Variants in PPIG observed in about 807,000 individuals in gnomAD.
The protein encoded by PPIG is peptidyl-prolyl cis-trans isomerase G.
Under a neutral mutation model 87.9 loss-of-function variants are expected in PPIG, and 26 were observed. The ratio of observed to expected loss-of-function variants is 0.30; its 90% confidence interval spans 0.22 to 0.41. The LOEUF is 0.41. Ranked by LOEUF, PPIG falls within the 10% of genes least tolerant of loss-of-function variation. The pLI is 1.00. For missense variants in PPIG, 722 were observed against 879.4 expected (o/e 0.82, Z 2.26); for synonymous variants, 308 against 276.5 (o/e 1.11, Z -1.13).
rs552708104 is a variant in PPIG at position 169,636,932 on chromosome 2, T to C, written c.1674T>C (p.Tyr558=). ...ATATAACTAAAGGTAAACACAGTTATAATAGCAGAACAAGAGAACGAAGCA... is the reference window on the plus strand; with the variant it reads ...ATATAACTAAAGGTAAACACAGTTACAATAGCAGAACAAGAGAACGAAGCA... ...ECDITKGKHS[Y]NSRTRERSRS... The change falls in exon 14 of 14, where the codon TAT becomes TAC. Residue 558 remains tyrosine (Y), a synonymous_variant. Coordinates refer to ENST00000260970, the MANE Select transcript of PPIG (RefSeq NM_004792.3). 8.1e-6 allele frequency: 13 copies of C among 1,613,822 alleles called. No individual in the cohort carries two copies. In the South Asian group the frequency reaches 9.9e-5, roughly 12 times the overall value.
At chr2:169,596,683 A>G (rs1053759056) in intron 1 of PPIG, among the ~76,000 whole-genome samples, 1 of 152,042 alleles carries the variant, frequency 6.6e-6, no homozygotes, top group African/African-American at 2.4e-5. Context: ...CCACGCAACC[A>G]GCACTAATAT....
chr2:169,636,384 T>C, intron 13 of PPIG, 29 bp from the exon 14 acceptor site: 1 of 1,493,318 alleles, frequency 6.7e-7, no homozygotes, highest in Non-Finnish European at 9.0e-7. Context: ...CCTAATAACA[T>C]TTCCCCAATT....
intron 1 of PPIG, among the ~76,000 whole-genome samples, chr2:169,594,294 T>C (rs901109402): frequency 6.7e-6 from 1 of 150,216 alleles, no homozygotes; most frequent in Non-Finnish European, 1.5e-5. Context: ...TTGAGAGTTA[T>C]TCTTTTAAAA....
rs1044252455 is a variant in PPIG at position 169,636,284 on chromosome 2, T to C, written c.1154+56T>C. 16 of 1,524,156 alleles carry C rather than the reference T, an allele frequency of 1.0e-5. No homozygotes were observed. The African/African-American group carries it at 2.1e-4, about 20-fold the overall frequency. The allele number at this position is 1,524,156 out of a possible 1,614,324, so 94.4% of individuals were successfully genotyped here. A position where few individuals can be genotyped will look rare whatever the true frequency, so the allele number is the denominator to read the frequency against. On this transcript the variant is annotated intron_variant, in intron 13 of 13. Transcript: ENST00000260970. Reference sequence around the variant, plus strand: ...AATGATAAGTGTTTGCTTTTACTATTATACATAAAGTTATTGTCATTTTAG... The same window carrying C: ...AATGATAAGTGTTTGCTTTTACTATCATACATAAAGTTATTGTCATTTTAG...
At chr2:169,609,975 A>G (rs1685441132) in intron 7 of PPIG, among the ~76,000 whole-genome samples, 1 of 152,240 alleles carries the variant, frequency 6.6e-6, no homozygotes, top group South Asian at 2.1e-4. Flanking sequence ...ATTTATTTGT[A>G]ACCTCCAAAT....
chr2:169,608,804 C>G, intron 7 of PPIG, 46 bp downstream of exon 7: 2 of 1,395,976 alleles, frequency 1.4e-6, no homozygotes, highest in Non-Finnish European at 2.0e-6. Flanking sequence ...ATTTTTGGGC[C>G]GGGCACGGTG....
chr2:169,613,667 A>G (rs2105499263), intron 7 of PPIG, among the ~76,000 whole-genome samples: 1 of 152,272 alleles, frequency 6.6e-6, no homozygotes, highest in South Asian at 2.1e-4. Flanking sequence ...AATGACTCAT[A>G]CTTGTAATCC....
At chr2:169,599,808 C>T (rs190512808) in intron 1 of PPIG, among the ~76,000 whole-genome samples, 101 of 152,236 alleles carry the variant, frequency 6.6e-4, no homozygotes, top group African/African-American at 2.0e-3. Context: ...AATGAATTGC[C>T]CTAGTGCCCC....
At chr2:169,631,329 G>A (rs3769770) in intron 10 of PPIG, 41,229 of 285,150 alleles carry the variant, frequency 0.14, 3,229 homozygotes, top group South Asian at 0.24. Context: ...TTGCTCTTAC[G>A]ATAGCATAAG....
In PPIG at chr2:169,636,432, A is replaced by C. The variant is rs762027135; in HGVS notation, c.1174A>C (p.Lys392Gln). The change falls in exon 14 of 14, where the codon AAA (lysine) becomes CAA (glutamine). Residue 392 changes from lysine to glutamine, a missense_variant. By Grantham distance (53) the Lys-to-Gln change is moderately conservative. Coordinates refer to ENST00000260970, the MANE Select transcript of PPIG (RefSeq NM_004792.3). Reference sequence around the variant, plus strand: ...TTTTAGGAGTGAGTTGAATGAAATAAAAGAAAATCAGAGAAGTCCAGTTAG... The same window carrying C: ...TTTTAGGAGTGAGTTGAATGAAATACAAGAAAATCAGAGAAGTCCAGTTAG... ...KGDKSELNEI[K>Q]ENQRSPVRVK... is the part of the protein sequence containing the mutation. The C allele has an allele frequency of 6.5e-7, 1 of 1,542,442 alleles. No individual in the cohort carries two copies. Among genetic ancestry groups the C allele is most frequent in the Non-Finnish European group, 8.7e-7 (1 of 1,147,180 alleles).
At chr2:169,633,336 G>A in intron 12 of PPIG, 89 bp downstream of exon 12, 1 of 1,056,088 alleles carries the variant, frequency 9.5e-7, no homozygotes. Context: ...TTATTTTAAT[G>A]TGCAAGTAAC....
chr2:169,598,093 TG>T (rs1394750930), intron 1 of PPIG, among the ~76,000 whole-genome samples: 1 of 151,108 alleles, frequency 6.6e-6, no homozygotes, highest in Non-Finnish European at 1.5e-5. Flanking sequence ...CTCCGCATCC[TG>T]GGCCCAAATG....
In PPIG at chr2:169,607,171, TATG is replaced by T. The variant is rs367627446; in HGVS notation, c.289+24_289+26del. 40 of 1,379,678 alleles carry T rather than the reference TATG, an allele frequency of 2.9e-5. No individual in the cohort carries two copies. In the African/African-American group the frequency reaches 5.6e-4, roughly 19 times the overall value. The allele number at this position is 1,379,678 out of a possible 1,614,324, so 85.5% of individuals were successfully genotyped here. A position where few individuals can be genotyped will look rare whatever the true frequency, so the allele number is the denominator to read the frequency against. The stretch of plus-strand genomic sequence containing the variant: ...AAGGTAAAAATGTTTACATTTATAT[TATG>T]TTTTAAATATTTTGTCTTTTATTCT... On this transcript the variant is annotated intron_variant, in intron 6 of 13. Coordinates refer to ENST00000260970, the MANE Select transcript of PPIG (RefSeq NM_004792.3).
intron 4 of PPIG, 66 bp downstream of exon 4, chr2:169,604,327 GTTTTTTTTTT>G (rs71006008): frequency 6.0e-5 from 21 of 347,424 alleles, no homozygotes; most frequent in African/African-American, 3.9e-4. Context: ...TGCTTGCTTG[GTTTTTTTTTT>G]TTTTTTTTTT....
At position 169,622,942 on chromosome 2, in the gene PPIG, T is replaced by A. The variant is rs192487182; in HGVS notation, c.548-7832T>A. On this transcript the variant is annotated intron_variant, in intron 9 of 13. Coordinates refer to ENST00000260970, the MANE Select transcript of PPIG (RefSeq NM_004792.3). ...ATGAGAGATTTACACCTGTTTTTTT[T>A]AACTTCCTGAAAGAAAACAAAAAGA... Among the ~76,000 whole-genome samples the A allele has an allele frequency of 5.6e-3, 858 of 152,344 alleles. 6 individuals are homozygous for A. The highest frequency in any genetic ancestry group is 9.2e-3 in the Non-Finnish European group (624 of 68,034).
intron 9 of PPIG, among the ~76,000 whole-genome samples, chr2:169,616,589 T>C (rs1260690545): frequency 6.6e-6 from 1 of 152,260 alleles, no homozygotes; most frequent in African/African-American, 2.4e-5. Context: ...TTTTCTCTAA[T>C]GACCAGTGAT....
chr2:169,611,277 A>G (rs897057084), intron 7 of PPIG, among the ~76,000 whole-genome samples: 4 of 152,212 alleles, frequency 2.6e-5, no homozygotes, highest in African/African-American at 4.8e-5. Context: ...GATAAGACAC[A>G]CACACAAAAA....
chr2:169,598,949 C>G (rs1266601924), intron 1 of PPIG, among the ~76,000 whole-genome samples: 2 of 149,510 alleles, frequency 1.3e-5, no homozygotes, highest in Admixed American at 6.7e-5. Flanking sequence ...ATTTCTATAA[C>G]CTGTTCCTCC....
intron 1 of PPIG, among the ~76,000 whole-genome samples, chr2:169,602,643 T>C (rs1685216925): frequency 6.6e-6 from 1 of 152,226 alleles, no homozygotes; most frequent in African/African-American, 2.4e-5. Context: ...TGTCAAAATG[T>C]GGCTACTGAA....
Sources: allele counts gnomAD v4.1 joint callset (sites outside exome capture counted in the v4.1 genomes callset), GRCh38; gene constraint gnomAD v4.1.1; transcripts MANE v1.5; gene names NCBI Gene and HGNC (gene_info 2026-07-23, HGNC 2026-07-21).